Variants in SPON1 observed in about 807,000 individuals in gnomAD.
SPON1 encodes the protein spondin 1, also known as spondin-1.
SPON1 carries 52 observed loss-of-function variants against 111.7 expected under a neutral mutation model. The observed-to-expected ratio is 0.47, with a 90% CI of 0.37 to 0.59. The LOEUF is 0.59. Among genes scored for constraint, SPON1 ranks in the 20% least tolerant of loss-of-function variants. The pLI, the probability that SPON1 is intolerant of heterozygous loss-of-function variation, is 0.00. For synonymous variants in SPON1, 410 were observed against 395.8 expected, an observed-to-expected ratio of 1.04 and a Z score of -0.43; for missense variants, 957 against 1,068.5, an observed-to-expected ratio of 0.90 and a Z score of 1.46.
At chr11:14,258,461 A>C (rs782489699) in intron 11 of SPON1, among the ~76,000 whole-genome samples, 1 of 152,214 alleles carries the variant, frequency 6.6e-6, no homozygotes, top group Non-Finnish European at 1.5e-5. Context: ...CACTAAGCTG[A>C]TTGCTGTGCA....
intron 13 of SPON1, among the ~76,000 whole-genome samples, chr11:14,260,003 G>A (rs1000398653): frequency 2.6e-5 from 4 of 152,136 alleles, no homozygotes; most frequent in Non-Finnish European, 5.9e-5. Flanking sequence ...TTGCAGTGGT[G>A]GGGAGGAGGG....
intron 7 of SPON1, among the ~76,000 whole-genome samples, chr11:14,251,854 C>T (rs2133922615): frequency 1.3e-5 from 2 of 152,342 alleles, no homozygotes; most frequent in East Asian, 3.9e-4. Context: ...TTTAAAGAAG[C>T]TGCTAAAATC....
chr11:14,126,543 TC>T (rs1459613534), intron 5 of SPON1, among the ~76,000 whole-genome samples: 1 of 151,740 alleles, frequency 6.6e-6, no homozygotes, highest in Non-Finnish European at 1.5e-5. Context: ...CCTCCCAGCT[TC>T]CCCCCACCTC....
chr11:13,967,532 C>A (rs1344524163), intron 1 of SPON1, among the ~76,000 whole-genome samples: 6 of 88,296 alleles, frequency 6.8e-5, no homozygotes, highest in African/African-American at 2.9e-4. Flanking sequence ...AAAAAAAAAC[C>A]CAGAAAGAAA....
At chr11:14,108,777 AAAGAG>A (rs1849204662) in intron 5 of SPON1, among the ~76,000 whole-genome samples, 1 of 152,124 alleles carries the variant, frequency 6.6e-6, no homozygotes, top group African/African-American at 2.4e-5. Flanking sequence ...GTAAATAAGA[AAAGAG>A]AAGTCAGTGG....
At chr11:13,983,597 T>C (rs1848160858) in intron 2 of SPON1, among the ~76,000 whole-genome samples, 1 of 152,062 alleles carries the variant, frequency 6.6e-6, no homozygotes, top group Non-Finnish European at 1.5e-5. Context: ...ACCCCGACAG[T>C]GAGTCATATT....
chr11:14,179,806 A>G (rs989835559), intron 6 of SPON1, among the ~76,000 whole-genome samples: 1 of 152,044 alleles, frequency 6.6e-6, no homozygotes, highest in Non-Finnish European at 1.5e-5. Context: ...TAAAAAAAAA[A>G]ATCTCCTTTA....
chr11:14,253,562 C>A (rs1223447782), intron 7 of SPON1, among the ~76,000 whole-genome samples: 1 of 152,232 alleles, frequency 6.6e-6, no homozygotes, highest in Admixed American at 6.5e-5. Flanking sequence ...TGAGGGCAGC[C>A]AGAAGCAGCT....
Position 14,196,775 on chromosome 11 carries a change from C to A in SPON1, c.826-46557C>A, listed in dbSNP as rs1370319969. 1.3e-5 allele frequency among the ~76,000 whole-genome samples: 2 copies of A among 152,330 alleles called. 1 individual carries two copies. The highest frequency in any genetic ancestry group is 3.9e-4 in the East Asian group (2 of 5,176). Reference sequence around the variant, plus strand: ...TTTTAAATCTGAGCTTCAGGCCAGGCATGGCAGCTCATGCCTGTAATCCCA... The same window carrying A: ...TTTTAAATCTGAGCTTCAGGCCAGGAATGGCAGCTCATGCCTGTAATCCCA... On this transcript the variant is annotated intron_variant, in intron 6 of 15. Transcript: ENST00000576479.
At chr11:14,072,835 A>G (rs1352775954) in intron 3 of SPON1, among the ~76,000 whole-genome samples, 3 of 152,066 alleles carry the variant, frequency 2.0e-5, no homozygotes, top group Non-Finnish European at 4.4e-5. Flanking sequence ...AGATCTGATC[A>G]TCTTAGTCCT....
intron 6 of SPON1, among the ~76,000 whole-genome samples, chr11:14,160,608 TA>T (rs1554930925): frequency 4.9e-5 from 1 of 20,226 alleles, no homozygotes; most frequent in Non-Finnish European, 8.5e-5. Flanking sequence ...TATATATATT[TA>T]TATATATTTA....
rs181806645 is a variant in SPON1, at chr11:14,228,133, A to G, written c.826-15199A>G. Among the ~76,000 whole-genome samples, 1 of 152,318 alleles carries G rather than the reference A, an allele frequency of 6.6e-6. No homozygotes were observed. ...TGCTGAAATTAAATGACTGCTCACA[A>G]TCTCGATGCAATGCTGACCCTCGTA... On this transcript the variant is annotated intron_variant, in intron 6 of 15. Transcript: ENST00000576479. This position sits in a 1 kb window ranked among gnomAD's most constrained non-coding sequence, Gnocchi z 4.2.
intron 6 of SPON1, among the ~76,000 whole-genome samples, chr11:14,235,678 C>CAAAAAAAAAAAAAAAA (rs56925967): frequency 2.8e-5 from 2 of 71,390 alleles, no homozygotes; most frequent in African/African-American, 1.1e-4. Flanking sequence ...GACCCTGCCT[C>CAAAAAAAAAAAAAAAA]AAAAAAAAAA....
intron 2 of SPON1, among the ~76,000 whole-genome samples, chr11:13,984,923 T>C (rs1177121071): frequency 1.3e-5 from 2 of 152,356 alleles, no homozygotes; most frequent in South Asian, 2.1e-4. Flanking sequence ...TATCTCTGTA[T>C]GCATCCTCCC....
At chr11:13,970,416 T>C (rs893762352) in intron 1 of SPON1, among the ~76,000 whole-genome samples, 2 of 152,216 alleles carry the variant, frequency 1.3e-5, no homozygotes, top group Non-Finnish European at 2.9e-5. Context: ...TTGAACCCTC[T>C]CTACAGTTGT....
intron 6 of SPON1, among the ~76,000 whole-genome samples, chr11:14,222,616 A>G (rs1045222847): frequency 5.3e-5 from 8 of 152,136 alleles, no homozygotes; most frequent in African/African-American, 1.7e-4. Flanking sequence ...CTTGATACCA[A>G]TTGAGTGACT....
chr11:14,202,337 CG>C (rs1432808169), intron 6 of SPON1, among the ~76,000 whole-genome samples: 5 of 152,294 alleles, frequency 3.3e-5, no homozygotes, highest in African/African-American at 1.2e-4. Context: ...CAGTCATCGC[CG>C]TCCTGTGCCT....
chr11:14,111,771 G>T (rs1554925470), intron 5 of SPON1, among the ~76,000 whole-genome samples: 2 of 152,214 alleles, frequency 1.3e-5, no homozygotes, highest in East Asian at 1.9e-4. Context: ...GCAGTAAAAT[G>T]CTTCTTAAGC....
chr11:14,205,247 T>C (rs1408852691), intron 6 of SPON1, among the ~76,000 whole-genome samples: 2 of 152,248 alleles, frequency 1.3e-5, no homozygotes, highest in African/African-American at 2.4e-5. Flanking sequence ...GTGCATGTGT[T>C]GACGCATATC....
Sources: gnomAD v4.1 joint callset for allele counts (sites outside exome capture counted in the v4.1 genomes callset) on GRCh38, gnomAD v4.1.1 for gene constraint, Gnocchi (gnomAD v3.1) non-coding constraint, MANE v1.5 for transcripts, NCBI Gene and HGNC (gene_info 2026-07-23, HGNC 2026-07-21) for gene names.